Variants in NBPF15 observed in about 807,000 individuals in gnomAD.
NBPF15 encodes the protein NBPF member 15.
NBPF15 carries 74 observed loss-of-function variants against 62.2 expected under a neutral mutation model. The ratio of observed to expected loss-of-function variants is 1.19; its 90% CI spans 0.99 to 1.44. NBPF15 has a LOEUF of 1.44. NBPF15 is among the 40% of genes most tolerant of loss of function. NBPF15 has a pLI of 0.00. For missense variants in NBPF15, 790 were observed against 550.0 expected (o/e 1.44, Z -4.36); for synonymous variants, 244 against 209.7 (o/e 1.16, Z -1.41).
chr1:144,455,026 T>C (rs782500240), intron 4 of NBPF15, among the ~76,000 whole-genome samples: 8 of 138,686 alleles, frequency 5.8e-5, no homozygotes, highest in Non-Finnish European at 1.1e-4. Flanking sequence ...AGAGAGAGCA[T>C]GAGAGACAAA....
In NBPF15 at chr1:144,439,832, A is replaced by G. The variant is rs1681506002; in HGVS notation, c.172T>C (p.Tyr58His). 2.2e-5 allele frequency: 35 copies of G among 1,600,396 alleles called. No homozygotes were observed. Among genetic ancestry groups the G allele is most frequent in the Non-Finnish European group, 2.9e-5 (34 of 1,171,910 alleles). The change falls in exon 8 of 22, where the codon TAC becomes CAC. Residue 58 changes from tyrosine to histidine, a missense_variant. Transcript: ENST00000581897. ...AGFLANRQKK[Y>H]KYEECKDLIK... ...ACGGTGAGCCTATAGATCTTACTGT[A>G]TTTCTTCTGTCGGTTGGCCAGGAAG...
rs9438153 is a variant in NBPF15, at chr1:144,435,037, G to T, written c.772+74C>A. 83 of 1,610,806 alleles carry T rather than the reference G, an allele frequency of 5.2e-5. 1 individual carries two copies. The highest frequency in any genetic ancestry group is 2.7e-4 in the East Asian group (12 of 44,854). On this transcript the variant is annotated intron_variant, in intron 12 of 21. Transcript: ENST00000581897. Reference sequence around the variant, plus strand: ...TTTTTTATTCAAATGAATTTGTGTTGATAGAGCCTGTCTTCAGAGTTTATC... The same window carrying T: ...TTTTTTATTCAAATGAATTTGTGTTTATAGAGCCTGTCTTCAGAGTTTATC...
rs1219976464 is a variant in NBPF15 at position 144,456,618 on chromosome 1, A to C, written c.-513T>G. 7 of 1,497,130 alleles carry C rather than the reference A, an allele frequency of 4.7e-6. No individual in the cohort carries two copies. Among genetic ancestry groups the C allele is most frequent in the Non-Finnish European group, 6.3e-6 (7 of 1,116,400 alleles). 92.7% of individuals were successfully genotyped at this position (1,497,130 alleles called of 1,614,324 possible). A position where few individuals can be genotyped will look rare whatever the true frequency, so the allele number is the denominator to read the frequency against. On this transcript the variant is annotated 5_prime_UTR_variant, in exon 4 of 22. Transcript: ENST00000581897. ...CACCGAATGGGGAAGTTTCTACATC[A>C]GTACCTCGGAGAGTCCACTGGAAGC...
In NBPF15 at chr1:144,422,889, G is replaced by C. The variant is rs587705003; in HGVS notation, c.*124C>G. ...ATGGCATGGTTTGAGAATAGGAATAGAGCCATGCTCACTGACCCATCCTAT... is the reference window on the plus strand; with the variant it reads ...ATGGCATGGTTTGAGAATAGGAATACAGCCATGCTCACTGACCCATCCTAT... On this transcript the variant is annotated 3_prime_UTR_variant, in exon 22 of 22. Coordinates refer to ENST00000581897, the MANE Select transcript of NBPF15 (RefSeq NM_001385408.1). 3.2e-5 allele frequency: 52 copies of C among 1,602,124 alleles called. 1 individual carries two copies. The highest frequency in any genetic ancestry group is 2.8e-4 in the African/African-American group (21 of 74,650).
chr1:144,444,682 A>T (rs1685974854), intron 6 of NBPF15, among the ~76,000 whole-genome samples: 1 of 151,916 alleles, frequency 6.6e-6, no homozygotes, highest in African/African-American at 2.4e-5. Context: ...TAGAAGGTAC[A>T]TTAGCTCAGG....
At chr1:144,428,051 G>A in intron 15 of NBPF15, 61 bp from the exon 16 acceptor site, 1 of 786,828 alleles carries the variant, frequency 1.3e-6, no homozygotes, top group Admixed American at 1.7e-5. Context: ...CACAGTCCCA[G>A]CTAGATTTCA....
At chr1:144,434,915 T>C (rs1454585799) in intron 12 of NBPF15, among the ~76,000 whole-genome samples, 196 bp downstream of exon 12, 1 of 151,840 alleles carries the variant, frequency 6.6e-6, no homozygotes, top group Non-Finnish European at 1.5e-5. Flanking sequence ...TTGCCTGGGG[T>C]TGAGTAACTT....
chr1:144,433,365 G>T lies in NBPF15; in HGVS notation c.824+408C>A, dbSNP rs1256019882. Among the ~76,000 whole-genome samples the T allele has an allele frequency of 7.2e-5, 11 of 152,110 alleles. 1 individual carries two copies. Among genetic ancestry groups the T allele is most frequent in the East Asian group, 1.9e-4 (1 of 5,178 alleles). On this transcript the variant is annotated intron_variant, in intron 13 of 21. Coordinates refer to ENST00000581897, the MANE Select transcript of NBPF15 (RefSeq NM_001385408.1). ...GAGAAAGCAGAAAAGATCTAAAATT[G>T]ACATCCTAACATCACAATTAAAATA... is the stretch of plus-strand genomic sequence containing the variant.
Position 144,428,721 on chromosome 1 carries a change from C to A in NBPF15, c.989-64G>T, listed in dbSNP as rs1470281817. 4 of 749,842 alleles carry A rather than the reference C, an allele frequency of 5.3e-6. No homozygotes were observed. In the Admixed American group the frequency reaches 7.0e-5, roughly 13 times the overall value. The allele number at this position is 749,842 out of a possible 1,614,324, so 46.4% of individuals were successfully genotyped here. ...GTTCTTCCTTGCACACAGAAACATT[C>A]CTCTGTCCAATCCTAACACAGGGAC... On this transcript the variant is annotated intron_variant, in intron 14 of 21. Coordinates refer to ENST00000581897, the MANE Select transcript of NBPF15 (RefSeq NM_001385408.1).
chr1:144,457,844 C>T (rs1265044049), intron 3 of NBPF15, among the ~76,000 whole-genome samples: 3 of 151,998 alleles, frequency 2.0e-5, no homozygotes, highest in Non-Finnish European at 4.4e-5. Context: ...AATCCCAACA[C>T]TTTGAGATGC....
At chr1:144,451,036 C>A (rs762166774) in intron 4 of NBPF15, among the ~76,000 whole-genome samples, 166 bp from the exon 5 acceptor site, 3 of 152,030 alleles carry the variant, frequency 2.0e-5, no homozygotes, top group Non-Finnish European at 4.4e-5. Context: ...ATGGAGGACC[C>A]ATGCCAGCAC....
At chr1:144,440,806 C>T (rs1682336289) in intron 6 of NBPF15, among the ~76,000 whole-genome samples, 1 of 150,824 alleles carries the variant, frequency 6.6e-6, no homozygotes, top group Non-Finnish European at 1.5e-5. Flanking sequence ...GCGCCCGCCA[C>T]CACGCCCGGC....
rs1335987451 is a variant in NBPF15 at position 144,426,442 on chromosome 1, C to G, written c.1274G>C (p.Arg425Thr). The G allele has an allele frequency of 5.4e-5, 43 of 790,204 alleles. No homozygotes were observed. In the African/African-American group the frequency reaches 6.4e-4, roughly 12 times the overall value. The allele number at this position is 790,204 out of a possible 1,614,324, so 48.9% of individuals were successfully genotyped here. ...DQDPSCPRLS[R>T]ELLDEKEPEV... Reference sequence around the variant, plus strand: ...AGGCTCTTTCTCATCCAGCAGCTCCCTGCTGAGCCTGGAAAAGTAGGAAAA... The same window carrying G: ...AGGCTCTTTCTCATCCAGCAGCTCCGTGCTGAGCCTGGAAAAGTAGGAAAA... Residue 425 changes from arginine to threonine, a missense_variant, in exon 18 of 22, where the codon AGG (arginine) becomes ACG (threonine). By Grantham distance (71) the Arg-to-Thr change is moderately conservative. Coordinates refer to ENST00000581897, the MANE Select transcript of NBPF15 (RefSeq NM_001385408.1).
At chr1:144,449,725 T>C (rs1310316789) in intron 5 of NBPF15, among the ~76,000 whole-genome samples, 6 of 150,802 alleles carry the variant, frequency 4.0e-5, no homozygotes, top group African/African-American at 1.2e-4. Context: ...CAGCTCCATT[T>C]CCAAACTATT....
rs1472197577 is a variant in NBPF15 at position 144,432,715 on chromosome 1, C to A, written c.824+1058G>T. ...CAAAGATCAAAAGAGACAAAGAAGGCCACTACATAATGGTAAAGGGATCAA... is the reference window on the plus strand; with the variant it reads ...CAAAGATCAAAAGAGACAAAGAAGGACACTACATAATGGTAAAGGGATCAA... On this transcript the variant is annotated intron_variant, in intron 13 of 21. Transcript: ENST00000581897. Among the ~76,000 whole-genome samples the A allele has an allele frequency of 4.6e-5, 7 of 152,066 alleles. No individual in the cohort carries two copies. The South Asian group carries it at 1.0e-3, about 23-fold the overall frequency.
At chr1:144,457,813 G>A (rs1159596762) in intron 3 of NBPF15, among the ~76,000 whole-genome samples, 2 of 152,036 alleles carry the variant, frequency 1.3e-5, no homozygotes, top group African/African-American at 2.4e-5. Context: ...AAAATGGCCA[G>A]CGGTGATGGC....
intron 21 of NBPF15, 134 bp from the exon 22 acceptor site, chr1:144,423,390 A>G: frequency 6.4e-7 from 1 of 1,574,216 alleles, no homozygotes; most frequent in Non-Finnish European, 8.6e-7. Flanking sequence ...GTAAAAAAAA[A>G]AAATTTATTG....
chr1:144,434,500 CAA>C (rs1209074766), intron 12 of NBPF15, among the ~76,000 whole-genome samples: 5 of 60,992 alleles, frequency 8.2e-5, no homozygotes, highest in Non-Finnish European at 8.8e-5. Flanking sequence ...GACTCCATCG[CAA>C]AAAAAAAAAA....
At chr1:144,442,051 C>A (rs1392497195) in intron 6 of NBPF15, among the ~76,000 whole-genome samples, 2 of 140,954 alleles carry the variant, frequency 1.4e-5, no homozygotes, top group African/African-American at 2.7e-5. Flanking sequence ...AGGATATATA[C>A]CTAATGTAAG....
Sources: gnomAD v4.1 joint callset for allele counts (sites outside exome capture counted in the v4.1 genomes callset) on GRCh38, gnomAD v4.1.1 for gene constraint, MANE v1.5 for transcripts, NCBI Gene and HGNC (gene_info 2026-07-23, HGNC 2026-07-21) for gene names.